Variants in PTBP3 observed in about 807,000 individuals in gnomAD.
The protein encoded by PTBP3 is polypyrimidine tract-binding protein 3.
Under a neutral mutation model 58.7 loss-of-function variants are expected in PTBP3, and 20 were observed. That is an observed-to-expected ratio of 0.34 (90% CI 0.24 to 0.50). PTBP3 has a LOEUF of 0.50. Among genes scored for constraint, PTBP3 ranks in the 20% least tolerant of loss-of-function variants. The pLI is 0.98. For missense variants in PTBP3, 509 were observed against 637.2 expected (o/e 0.80, Z 2.17); for synonymous variants, 185 against 219.8 (o/e 0.84, Z 1.40).
chr9:112,257,940 CAAAAAAA>C (rs56934009), intron 5 of PTBP3, among the ~76,000 whole-genome samples: 1 of 119,336 alleles, frequency 8.4e-6, no homozygotes, highest in Non-Finnish European at 1.9e-5. Context: ...GACTCCATCT[CAAAAAAA>C]AAAAAAAAAA....
rs1326843596 is a variant in PTBP3, at chr9:112,219,473, C to T, written c.*4378G>A. ...CAATTATGACTATGATCACCAAGGT[C>T]ACTGGACCAGACAAATATCCCTGTT... On this transcript the variant is annotated 3_prime_UTR_variant, in exon 14 of 14. Transcript: ENST00000374257. 6.6e-6 allele frequency: 1 copy of T among 152,406 alleles called. No individual in the cohort carries two copies. The highest frequency in any genetic ancestry group is 1.5e-5 in the Non-Finnish European group (1 of 68,030). 9.4% of individuals were successfully genotyped at this position (152,406 alleles called of 1,614,324 possible). A position where few individuals can be genotyped will look rare whatever the true frequency, so the allele number is the denominator to read the frequency against.
chr9:112,320,646 ATAAACCCACCG>A (rs1305003327), intron 1 of PTBP3, among the ~76,000 whole-genome samples: 2 of 152,108 alleles, frequency 1.3e-5, no homozygotes, highest in African/African-American at 4.8e-5. Flanking sequence ...AAGATATACT[ATAAACCCACCG>A]TCATCAAGAC....
rs761426274 is a variant in PTBP3, at chr9:112,220,586, T to C, written c.*3265A>G. ...AAATCAGAAACATTACTTCAAATAATTGATTTCAATATTTAGTCTTAAAGA... is the reference window on the plus strand; with the variant it reads ...AAATCAGAAACATTACTTCAAATAACTGATTTCAATATTTAGTCTTAAAGA... On this transcript the variant is annotated 3_prime_UTR_variant, in exon 14 of 14. Coordinates refer to ENST00000374257, the MANE Select transcript of PTBP3 (RefSeq NM_001163788.4). 123 of 1,003,772 alleles carry C rather than the reference T, an allele frequency of 1.2e-4. 1 individual carries two copies. The highest frequency in any genetic ancestry group is 3.5e-4 in the Admixed American group (6 of 17,318). The allele number at this position is 1,003,772 out of a possible 1,614,324, so 62.2% of individuals were successfully genotyped here.
the PTBP3 span, among the ~76,000 whole-genome samples, chr9:112,363,620 G>C: frequency 6.6e-6 from 1 of 151,620 alleles, no homozygotes; most frequent in Non-Finnish European, 1.5e-5. Flanking sequence ...GAGCATAAGT[G>C]TATCAGTTTA....
At chr9:112,357,120 G>A in the PTBP3 span, among the ~76,000 whole-genome samples, 3 of 151,982 alleles carry the variant, frequency 2.0e-5, no homozygotes, top group Non-Finnish European at 2.9e-5. Context: ...GATCTCAGGT[G>A]ATCCGCCCAC....
chr9:112,267,967 A>C (rs1017624561), intron 4 of PTBP3, 82 bp downstream of exon 4: 8 of 1,281,404 alleles, frequency 6.2e-6, no homozygotes, highest in Non-Finnish European at 8.4e-6. Context: ...AAAAGCACAT[A>C]ATTTTTCTTC....
In PTBP3 at chr9:112,295,929, C is replaced by G. The variant is rs536061165; in HGVS notation, c.34+1903G>C. Among the ~76,000 whole-genome samples the G allele has an allele frequency of 2.6e-5, 4 of 152,284 alleles. No homozygotes were observed. The East Asian group carries it at 7.7e-4, about 29-fold the overall frequency. On this transcript the variant is annotated intron_variant, in intron 2 of 13. Coordinates refer to ENST00000374257, the MANE Select transcript of PTBP3 (RefSeq NM_001163788.4). ...TGTTTTAGAACTAGATCAAGCTTGTCCAACATGCAGCCTGTGCACAGCATG... is the reference window on the plus strand; with the variant it reads ...TGTTTTAGAACTAGATCAAGCTTGTGCAACATGCAGCCTGTGCACAGCATG...
the PTBP3 span, among the ~76,000 whole-genome samples, chr9:112,371,008 GTTTT>G: frequency 1.1e-4 from 17 of 151,304 alleles, no homozygotes; most frequent in African/African-American, 4.1e-4. Flanking sequence ...AGCTCTAGTA[GTTTT>G]TTTTTGTGGA....
chr9:112,367,719 ATTCT>A, the PTBP3 span, among the ~76,000 whole-genome samples: 29 of 152,238 alleles, frequency 1.9e-4, no homozygotes, highest in South Asian at 2.1e-3. Context: ...TGCTTTCAAA[ATTCT>A]TTCTATCTTT....
chr9:112,266,475 T>C (rs1564418048), intron 4 of PTBP3, among the ~76,000 whole-genome samples: 1 of 152,204 alleles, frequency 6.6e-6, no homozygotes, highest in Non-Finnish European at 1.5e-5. Flanking sequence ...ACATGCTGTG[T>C]CCCAGCAATT....
chr9:112,332,149 T>G (rs372529301), intron 1 of PTBP3, among the ~76,000 whole-genome samples: 89 of 152,266 alleles, frequency 5.8e-4, no homozygotes, highest in African/African-American at 2.1e-3. Flanking sequence ...CCCCAAAATA[T>G]ATACACCTAC....
At chr9:112,297,004 GATAATA>G (rs144614837) in intron 2 of PTBP3, among the ~76,000 whole-genome samples, 4 of 151,602 alleles carry the variant, frequency 2.6e-5, no homozygotes, top group Non-Finnish European at 5.9e-5. Flanking sequence ...CCAAATAAAG[GATAATA>G]ATAATAATAA....
chr9:112,269,228 A>G (rs1430073627), intron 3 of PTBP3, among the ~76,000 whole-genome samples: 1 of 151,576 alleles, frequency 6.6e-6, no homozygotes. Context: ...ATTGATGCTA[A>G]AAGGCTACAA....
chr9:112,339,813 G>A, the PTBP3 span, among the ~76,000 whole-genome samples: 3 of 151,864 alleles, frequency 2.0e-5, no homozygotes, highest in Non-Finnish European at 2.9e-5. Flanking sequence ...TGATCTGCCC[G>A]CCTCAGCCTC....
rs556726346 is a variant in PTBP3 at position 112,280,370 on chromosome 9, A to T, written c.35-4357T>A. ...GTGCCTGGGCTGCTGTTTATTTATT[A>T]TTTTTTTTTTACAGCTTTACTGAAC... On this transcript the variant is annotated intron_variant, in intron 2 of 13. Transcript: ENST00000374257. 1.9e-3 allele frequency among the ~76,000 whole-genome samples: 286 copies of T among 147,484 alleles called. 1 individual carries two copies. The highest frequency in any genetic ancestry group is 9.6e-3 in the South Asian group (44 of 4,594).
the PTBP3 span, among the ~76,000 whole-genome samples, chr9:112,366,905 A>G: frequency 6.6e-6 from 1 of 152,162 alleles, no homozygotes; most frequent in Non-Finnish European, 1.5e-5. Context: ...TACCCTGTAA[A>G]GCCACAGGGG....
At chr9:112,247,403 TG>T (rs1338921293) in intron 7 of PTBP3, among the ~76,000 whole-genome samples, 1 of 151,984 alleles carries the variant, frequency 6.6e-6, no homozygotes, top group Non-Finnish European at 1.5e-5. Flanking sequence ...GATACTTGTT[TG>T]GATCTTTACC....
intron 7 of PTBP3, among the ~76,000 whole-genome samples, chr9:112,249,534 A>G (rs190181463): frequency 3.2e-4 from 49 of 152,250 alleles, no homozygotes; most frequent in African/African-American, 1.0e-3. Context: ...AAAGTAGAGA[A>G]ACTTTCACAC....
intron 1 of PTBP3, chr9:112,298,472 C>A: frequency 2.2e-6 from 1 of 447,006 alleles, no homozygotes; most frequent in Non-Finnish European, 4.4e-6. Flanking sequence ...GATCAACTTC[C>A]AAATCTGAAC....
Sources: allele counts gnomAD v4.1 joint callset (sites outside exome capture counted in the v4.1 genomes callset), GRCh38; gene constraint gnomAD v4.1.1; transcripts MANE v1.5; gene names NCBI Gene and HGNC (gene_info 2026-07-23, HGNC 2026-07-21).